DNAJC13: variants seen among roughly 807,000 people sequenced by gnomAD.
DNAJC13 encodes the protein dnaJ homolog subfamily C member 13.
In DNAJC13, 75 loss-of-function variants were observed where a neutral mutation model predicts 290.5. The observed-to-expected ratio is 0.26, with a 90% CI of 0.21 to 0.31. The LOEUF (loss-of-function observed/expected upper bound fraction) is 0.31, where lower values mean the gene tolerates loss of function less well. DNAJC13 is among the 10% of genes least tolerant of loss of function. The pLI is 1.00. For missense variants in DNAJC13, 2,260 were observed against 2,674.5 expected, an observed-to-expected ratio of 0.85 and a Z score of 3.42; for synonymous variants, 862 against 892.0, an observed-to-expected ratio of 0.97 and a Z score of 0.60.
intron 48 of DNAJC13, among the ~76,000 whole-genome samples, chr3:132,521,277 T>C (rs547941174): frequency 6.6e-6 from 1 of 151,846 alleles, no homozygotes; most frequent in Non-Finnish European, 1.5e-5. Context: ...TAGCCAAGCA[T>C]GGTAGTGCAC....
At chr3:132,423,075 C>T (rs370541486) in intron 1 of DNAJC13, among the ~76,000 whole-genome samples, 7 of 152,104 alleles carry the variant, frequency 4.6e-5, no homozygotes, top group South Asian at 2.1e-4. Flanking sequence ...AAGGCTGAGG[C>T]GGGAGGATCA....
intron 26 of DNAJC13, among the ~76,000 whole-genome samples, chr3:132,481,556 A>G (rs1003850722): frequency 1.3e-5 from 2 of 152,216 alleles, no homozygotes; most frequent in South Asian, 4.1e-4. Flanking sequence ...ACTCCAGGCT[A>G]GGTAACAAAG....
intron 2 of DNAJC13, among the ~76,000 whole-genome samples, chr3:132,435,001 A>G (rs1409015766): frequency 6.6e-6 from 1 of 152,200 alleles, no homozygotes; most frequent in Non-Finnish European, 1.5e-5. Context: ...TGACTGTCGG[A>G]GAAAATATGC....
rs1035457555 is a variant in DNAJC13 at position 132,516,605 on chromosome 3, G to C, written c.5561-99G>C. 3 of 1,532,380 alleles carry C rather than the reference G, an allele frequency of 2.0e-6. No homozygotes were observed. In the Admixed American group the frequency reaches 5.7e-5, roughly 29 times the overall value. The allele number at this position is 1,532,380 out of a possible 1,614,324, so 94.9% of individuals were successfully genotyped here. On this transcript the variant is annotated intron_variant, in intron 47 of 55. Coordinates refer to ENST00000260818, the MANE Select transcript of DNAJC13 (RefSeq NM_015268.4). Reference sequence around the variant, plus strand: ...AGAAGAATGCTTTGGAATGTTTACAGTTTTTAAAAACTACATTCAGTTGAA... The same window carrying C: ...AGAAGAATGCTTTGGAATGTTTACACTTTTTAAAAACTACATTCAGTTGAA...
intron 1 of DNAJC13, among the ~76,000 whole-genome samples, chr3:132,423,781 TCA>T (rs1939022615): frequency 6.6e-6 from 1 of 152,240 alleles, no homozygotes; most frequent in Non-Finnish European, 1.5e-5. Context: ...GTTTGGGTTT[TCA>T]GGATGCTTTC....
intron 2 of DNAJC13, among the ~76,000 whole-genome samples, chr3:132,435,665 G>A (rs1473440210): frequency 1.3e-5 from 2 of 152,140 alleles, no homozygotes; most frequent in African/African-American, 2.4e-5. Flanking sequence ...AATGAGTGAA[G>A]TTAGGGAGAA....
chr3:132,502,961 A>G (rs1443756901), intron 40 of DNAJC13, among the ~76,000 whole-genome samples: 3 of 152,150 alleles, frequency 2.0e-5, no homozygotes, highest in Non-Finnish European at 2.9e-5. Context: ...TGCTTCTTCC[A>G]GTTGTCTGTG....
At chr3:132,536,026 T>G (rs1254222922) in intron 55 of DNAJC13, among the ~76,000 whole-genome samples, 1 of 152,166 alleles carries the variant, frequency 6.6e-6, no homozygotes, top group African/African-American at 2.4e-5. Context: ...ATTTCACCAT[T>G]TAGATTTTAG....
intron 54 of DNAJC13, among the ~76,000 whole-genome samples, chr3:132,530,443 CAT>C (rs1323621152): frequency 3.3e-5 from 5 of 152,160 alleles, no homozygotes; most frequent in East Asian, 3.8e-4. Context: ...TATTTATACT[CAT>C]ATATGTGTAT....
At chr3:132,482,155 A>C (rs1934698624) in intron 26 of DNAJC13, 71 bp from the exon 27 acceptor site, 1 of 1,308,378 alleles carries the variant, frequency 7.6e-7, no homozygotes, top group African/African-American at 1.5e-5. Context: ...CTGCTGTGCA[A>C]CTTTGTTTTA....
At position 132,480,478 on chromosome 3, in the gene DNAJC13, T is replaced by C. The variant is rs773634150; in HGVS notation, c.2874+8T>C. 1 of 1,585,942 alleles carries C rather than the reference T, an allele frequency of 6.3e-7. No individual in the cohort carries two copies. The highest frequency in any genetic ancestry group is 8.6e-7 in the Non-Finnish European group (1 of 1,159,840). ...GCTACAGTACCACTGCAAGTACGTA[T>C]CCTTGTTTACGTTTTACAAATTTAA... On this transcript the variant is annotated splice_region_variant and intron_variant, in intron 26 of 55. Coordinates refer to ENST00000260818, the MANE Select transcript of DNAJC13 (RefSeq NM_015268.4).
Position 132,477,841 on chromosome 3 carries a change from G to C in DNAJC13, c.2498G>C (p.Arg833Thr). The stretch of plus-strand genomic sequence containing the variant: ...ATTAAAATAGGAGACTATTACCTGA[G>C]ATTACTATTGGAGGAAGATGAGAAT... ...EEIKIGDYYL[R>T]LLLEEDENEE... Residue 833 changes from arginine to threonine, a missense_variant, in exon 23 of 56, where the codon AGA (arginine) becomes ACA (threonine). Coordinates refer to ENST00000260818, the MANE Select transcript of DNAJC13 (RefSeq NM_015268.4). 1 of 1,613,612 alleles carries C rather than the reference G, an allele frequency of 6.2e-7. No individual in the cohort carries two copies. Among genetic ancestry groups the C allele is most frequent in the Non-Finnish European group, 8.5e-7 (1 of 1,179,812 alleles).
At chr3:132,479,959 A>G (rs1559888962) in intron 25 of DNAJC13, among the ~76,000 whole-genome samples, 1 of 150,616 alleles carries the variant, frequency 6.6e-6, no homozygotes, top group Non-Finnish European at 1.5e-5. Flanking sequence ...CTTAACTTCT[A>G]AGAAATTACC....
chr3:132,531,037 T>A lies in DNAJC13; in HGVS notation c.6565T>A (p.Phe2189Ile). ...ILCRSSVWSA[F>I]KDQKHDLFIS... ...GTGCCGTTCTTCAGTCTGGAGTGCC[T>A]TCAAAGATCAGAAACATGATTTGTT... is the stretch of plus-strand genomic sequence containing the variant. The change falls in exon 55 of 56, where the codon TTC becomes ATC. Residue 2189 changes from phenylalanine to isoleucine, a missense_variant. Physicochemically the swap from Phe to Ile is conservative, Grantham distance 21. Transcript: ENST00000260818. The A allele has an allele frequency of 6.2e-7, 1 of 1,614,114 alleles. No individual in the cohort carries two copies. Among genetic ancestry groups the A allele is most frequent in the Non-Finnish European group, 8.5e-7 (1 of 1,179,978 alleles).
intron 29 of DNAJC13, among the ~76,000 whole-genome samples, chr3:132,487,899 A>G (rs1157746592): frequency 6.6e-6 from 1 of 151,790 alleles, no homozygotes; most frequent in Non-Finnish European, 1.5e-5. Context: ...TGTTTTATTG[A>G]TCATTATTTT....
Position 132,453,655 on chromosome 3 carries a change from G to A in DNAJC13, c.801G>A (p.Pro267=), listed in dbSNP as rs193143491. The change falls in exon 8 of 56, where the codon CCG becomes CCA. Residue 267 remains proline (P), a synonymous_variant. Transcript: ENST00000260818. Reference sequence around the variant, plus strand: ...AAACATGTTTAGTAGAACGTGATCCGGCAACCTATAATATTGCAACATTGA... The same window carrying A: ...AAACATGTTTAGTAGAACGTGATCCAGCAACCTATAATATTGCAACATTGA... The part of the protein sequence containing the change: ...LTETCLVERD[P]ATYNIATLKP... The A allele has an allele frequency of 8.1e-6, 13 of 1,613,364 alleles. No homozygotes were observed. The highest frequency in any genetic ancestry group is 5.0e-5 in the Admixed American group (3 of 59,976).
At position 132,538,348 on chromosome 3, in the gene DNAJC13, G is replaced by A. The variant is rs1437136593; in HGVS notation, c.*66G>A. ...AAGTCCACATTCCTCCAGCTGATAC[G>A]TTGAAGCAAACTCTTACTGCCTTTC... On this transcript the variant is annotated 3_prime_UTR_variant, in exon 56 of 56. Coordinates refer to ENST00000260818, the MANE Select transcript of DNAJC13 (RefSeq NM_015268.4). 10 of 1,273,060 alleles carry A rather than the reference G, an allele frequency of 7.9e-6. No individual in the cohort carries two copies. Among genetic ancestry groups the A allele is most frequent in the African/African-American group, 2.9e-5 (2 of 68,086 alleles). The allele number at this position is 1,273,060 out of a possible 1,614,324, so 78.9% of individuals were successfully genotyped here.
intron 20 of DNAJC13, among the ~76,000 whole-genome samples, chr3:132,471,246 G>T (rs1934237507): frequency 1.5e-5 from 2 of 131,490 alleles, no homozygotes; most frequent in South Asian, 5.2e-4. Flanking sequence ...GCGGGGGGCT[G>T]ACCCCCCCAC....
intron 24 of DNAJC13, among the ~76,000 whole-genome samples, chr3:132,478,866 A>G (rs1934564216): frequency 6.6e-6 from 1 of 152,168 alleles, no homozygotes; most frequent in Non-Finnish European, 1.5e-5. Flanking sequence ...GTTGCAGTGT[A>G]TATGTTTTAT....
Sources: allele counts gnomAD v4.1 joint callset (sites outside exome capture counted in the v4.1 genomes callset), GRCh38; gene constraint gnomAD v4.1.1; transcripts MANE v1.5; gene names NCBI Gene and HGNC (gene_info 2026-07-23, HGNC 2026-07-21).